Variants in DNAJB4 observed in about 807,000 individuals in gnomAD.
DNAJB4 encodes DnaJ heat shock protein family (Hsp40) member B4.
A neutral mutation model predicts 26.6 loss-of-function variants in DNAJB4; 10 were observed. That is an observed-to-expected ratio of 0.38 (90% confidence interval 0.23 to 0.64). The LOEUF is 0.64. DNAJB4 is among the 30% of genes least tolerant of loss of function. The pLI is 0.58. For synonymous variants in DNAJB4, 136 were observed against 134.8 expected (o/e 1.01, Z -0.06); for missense variants, 328 against 408.2 (o/e 0.80, Z 1.69).
intron 1 of DNAJB4, among the ~76,000 whole-genome samples, chr1:78,012,797 C>T (rs1223136356): frequency 4.5e-5 from 6 of 134,386 alleles, no homozygotes; most frequent in East Asian, 4.8e-4. Context: ...CAAACAAGAG[C>T]GAAACTCTGT....
intron 1 of DNAJB4, among the ~76,000 whole-genome samples, chr1:77,995,819 G>A (rs1382881211): frequency 1.3e-5 from 2 of 152,120 alleles, no homozygotes; most frequent in African/African-American, 2.4e-5. Flanking sequence ...GGTGGCACAT[G>A]CCTGTAGTCC....
chr1:77,998,574 T>C (rs898165546), intron 1 of DNAJB4, among the ~76,000 whole-genome samples: 1 of 152,170 alleles, frequency 6.6e-6, no homozygotes, highest in Non-Finnish European at 1.5e-5. Context: ...GTGCGGTGGC[T>C]CAGACCTGTA....
chr1:78,009,578 G>A (rs929012469), intron 1 of DNAJB4, among the ~76,000 whole-genome samples: 6 of 152,134 alleles, frequency 3.9e-5, no homozygotes, highest in Admixed American at 6.5e-5. Flanking sequence ...TTCCATTAGC[G>A]TTCAAAATGT....
intron 1 of DNAJB4, among the ~76,000 whole-genome samples, chr1:77,984,746 C>T (rs1043932353): frequency 6.6e-6 from 1 of 152,146 alleles, no homozygotes. Context: ...CTTTATTCCA[C>T]TTATCATTTT....
intron 1 of DNAJB4, among the ~76,000 whole-genome samples, chr1:77,995,265 T>TA (rs777091583): frequency 1.2e-4 from 19 of 152,230 alleles, no homozygotes; most frequent in Non-Finnish European, 2.6e-4. Context: ...GTTTTTACTT[T>TA]AAAAAAATAT....
chr1:77,984,467 T>C (rs1571421086), intron 1 of DNAJB4, among the ~76,000 whole-genome samples: 2 of 152,196 alleles, frequency 1.3e-5, no homozygotes, highest in Admixed American at 6.5e-5. Flanking sequence ...TTTCTTTTTT[T>C]TTCCAGAAAG....
intron 2 of DNAJB4, among the ~76,000 whole-genome samples, chr1:78,014,127 C>CTT (rs200230733): frequency 3.4e-5 from 5 of 145,552 alleles, no homozygotes; most frequent in African/African-American, 1.0e-4. Flanking sequence ...TGCACTATTT[C>CTT]TTTTTTTTTT....
rs112341957 is a variant in DNAJB4 at position 77,984,464 on chromosome 1, T to C, written c.-32+4142T>C. On this transcript the variant is annotated intron_variant, in intron 1 of 2. Coordinates refer to the DNAJB4 transcript ENST00000426517. ...TATTTCTTTCTTTCTTTCTTTCTTT[T>C]TTTTTCCAGAAAGCATCATAGTTGA... Among the ~76,000 whole-genome samples, 541 of 151,916 alleles carry C rather than the reference T, an allele frequency of 3.6e-3. 3 individuals are homozygous for C. The highest frequency in any genetic ancestry group is 0.019 in the East Asian group (100 of 5,170).
At chr1:78,015,420 T>C (rs1409544467) in intron 2 of DNAJB4, among the ~76,000 whole-genome samples, 1 of 149,662 alleles carries the variant, frequency 6.7e-6, no homozygotes, top group African/African-American at 2.5e-5. Flanking sequence ...ATATATCCTT[T>C]ACTTCTCTTT....
upstream of DNAJB4, among the ~76,000 whole-genome samples, chr1:78,004,068 A>G (rs902037553): frequency 1.2e-4 from 18 of 152,180 alleles, no homozygotes; most frequent in African/African-American, 3.6e-4. Context: ...ACATTGATGC[A>G]GTTGCAGTTA....
intron 1 of DNAJB4, among the ~76,000 whole-genome samples, chr1:77,983,426 T>C (rs1247753899): frequency 2.0e-5 from 3 of 152,182 alleles, no homozygotes; most frequent in Admixed American, 6.5e-5. Flanking sequence ...TTTACGGGTG[T>C]CGGGCTTGGG....
intron 1 of DNAJB4, among the ~76,000 whole-genome samples, chr1:77,997,490 A>G (rs1010913638): frequency 1.3e-5 from 2 of 152,056 alleles, no homozygotes; most frequent in African/African-American, 4.8e-5. Flanking sequence ...CCTCGGTGAC[A>G]GTAAAACCCT....
chr1:78,015,505 CT>C (rs1660611937), intron 2 of DNAJB4, among the ~76,000 whole-genome samples: 1 of 137,888 alleles, frequency 7.3e-6, no homozygotes, highest in Non-Finnish European at 1.6e-5. Context: ...AGGAATTTTC[CT>C]TTTTTTCTTT....
At chr1:77,985,268 A>G (rs1323563557) in intron 1 of DNAJB4, among the ~76,000 whole-genome samples, 1 of 152,146 alleles carries the variant, frequency 6.6e-6, no homozygotes, top group East Asian at 1.9e-4. Context: ...GTTGTTTTTT[A>G]GTGGAACCTT....
rs1357673736 is a variant in DNAJB4 at position 78,017,189 on chromosome 1, C to A, written c.*942C>A. The A allele has an allele frequency of 1.3e-5, 2 of 151,992 alleles. No homozygotes were observed. Among genetic ancestry groups the A allele is most frequent in the Non-Finnish European group, 2.9e-5 (2 of 67,906 alleles). 9.4% of individuals were successfully genotyped at this position (151,992 alleles called of 1,614,324 possible). On this transcript the variant is annotated 3_prime_UTR_variant, in exon 3 of 3. Transcript: ENST00000370763. ...TAAACCAAAATATAGGGAAAATAAACACTAACTGCTGCTTATGGATAATGT... is the reference window on the plus strand; with the variant it reads ...TAAACCAAAATATAGGGAAAATAAAAACTAACTGCTGCTTATGGATAATGT...
chr1:78,013,412 G>A lies in DNAJB4; in HGVS notation c.573G>A (p.Arg191=). The change falls in exon 2 of 3, where the codon AGG becomes AGA. Residue 191 remains arginine, a synonymous_variant. Coordinates refer to ENST00000370763, the MANE Select transcript of DNAJB4 (RefSeq NM_007034.5). ...GAAAAAGGCTAAACGCTGATGGAAG[G>A]AGTTACAGATCTGAGGACAAAATTC... ...ISRKRLNADG[R]SYRSEDKILT... is the part of the protein sequence containing the mutation. 6.2e-7 allele frequency: 1 copy of A among 1,614,172 alleles called. No homozygotes were observed. The highest frequency in any genetic ancestry group is 1.7e-5 in the Admixed American group (1 of 60,022).
At chr1:78,014,083 C>T (rs1432998076) in intron 2 of DNAJB4, among the ~76,000 whole-genome samples, 1 of 151,146 alleles carries the variant, frequency 6.6e-6, no homozygotes, top group Non-Finnish European at 1.5e-5. Flanking sequence ...TATAATGCTA[C>T]TATGTTAATA....
At chr1:77,997,866 CA>C (rs781731143) in intron 1 of DNAJB4, among the ~76,000 whole-genome samples, 3 of 152,136 alleles carry the variant, frequency 2.0e-5, no homozygotes, top group Non-Finnish European at 4.4e-5. Flanking sequence ...TGGCCCACTG[CA>C]ACCTCCACCT....
At chr1:78,015,902 T>C in intron 2 of DNAJB4, 112 bp from the exon 3 acceptor site, 2 of 911,190 alleles carry the variant, frequency 2.2e-6, no homozygotes, top group Non-Finnish European at 3.2e-6. Context: ...GTTATTCTTT[T>C]GGAGGTTAAA....
Sources: allele counts gnomAD v4.1 joint callset (sites outside exome capture counted in the v4.1 genomes callset), GRCh38; gene constraint gnomAD v4.1.1; transcripts MANE v1.5; gene names NCBI Gene and HGNC (gene_info 2026-07-23, HGNC 2026-07-21).